INTS7: variants seen among roughly 807,000 people sequenced by gnomAD.
The protein encoded by INTS7 is integrator complex subunit 7.
INTS7 carries 46 observed loss-of-function variants against 109.2 expected under a neutral mutation model. That is an observed-to-expected ratio of 0.42 (90% confidence interval 0.33 to 0.54). The LOEUF is 0.54. INTS7 is among the 20% of genes least tolerant of loss of function. INTS7 has a pLI of 0.07. For synonymous variants in INTS7, 412 were observed against 402.9 expected (o/e 1.02, Z -0.27); for missense variants, 929 against 1,132.4 (o/e 0.82, Z 2.58).
At position 212,035,387 on chromosome 1, in the gene INTS7, T is replaced by C. The variant is rs778393408; in HGVS notation, c.51A>G (p.Glu17=). 6 of 1,613,952 alleles carry C rather than the reference T, an allele frequency of 3.7e-6. No individual in the cohort carries two copies. The South Asian group carries it at 6.6e-5, about 18-fold the overall frequency. The part of the protein sequence containing the change: ...KSFLADAGYG[E]QELDANSALM... ...GGGCAGAGTTGGCATCCAGTTCCTG[T>C]TCGCCATAGCCGGCATCTGCCAGGA... The change falls in exon 1 of 20, where the codon GAA becomes GAG. Residue 17 remains glutamate (E), a synonymous_variant. Coordinates refer to ENST00000366994, the MANE Select transcript of INTS7 (RefSeq NM_015434.4).
chr1:211,963,882 C>T (rs562307779), intron 16 of INTS7, among the ~76,000 whole-genome samples: 2 of 152,206 alleles, frequency 1.3e-5, no homozygotes, highest in Admixed American at 1.3e-4. Flanking sequence ...CCACAGCCAA[C>T]ATCATACCAA....
chr1:211,968,814 A>C, intron 13 of INTS7, 107 bp from the exon 14 acceptor site: 1 of 714,848 alleles, frequency 1.4e-6, no homozygotes, highest in South Asian at 2.7e-5. Flanking sequence ...TAGTTCTCTA[A>C]AAACACTGAC....
rs558960118 is a variant in INTS7 at position 211,981,117 on chromosome 1, A to T, written c.1206T>A (p.Ser402Arg). 7.4e-5 allele frequency: 119 copies of T among 1,612,576 alleles called. No individual in the cohort carries two copies. The highest frequency in any genetic ancestry group is 1.0e-4 in the Admixed American group (6 of 59,978). The change falls in exon 10 of 20, where the codon AGT (serine) becomes AGA (arginine). Residue 402 changes from serine to arginine, a missense_variant. Physicochemically the swap from Ser to Arg is moderately radical, Grantham distance 110 (BLOSUM62 -1). Around this residue, in one of 2 missense-constraint regions of INTS7, gnomAD observed 787 missense variants for 901.1 expected, o/e 0.87. Transcript: ENST00000366994. ...SLLVLCSQDD[S>R]PGAQATLKIA... is the part of the protein sequence containing the mutation. ...CCTTTAAAGTGGCCTGAGCACCTGG[A>T]CTATCATCTTGACTACAAAGTACCA... is the stretch of plus-strand genomic sequence containing the variant.
intron 1 of INTS7, among the ~76,000 whole-genome samples, chr1:212,032,350 C>G (rs931731603): frequency 6.6e-6 from 1 of 152,182 alleles, no homozygotes; most frequent in Non-Finnish European, 1.5e-5. Flanking sequence ...CAGACTGATA[C>G]TTTTCAAAGG....
At chr1:211,976,908 A>C (rs1185706678) in intron 11 of INTS7, among the ~76,000 whole-genome samples, 189 bp from the exon 12 acceptor site, 5 of 152,196 alleles carry the variant, frequency 3.3e-5, no homozygotes, top group Non-Finnish European at 7.3e-5. Context: ...GGCACTCTTT[A>C]TAACAGCAAA....
chr1:211,978,575 A>T (rs754527936), intron 10 of INTS7, 64 bp from the exon 11 acceptor site: 6 of 1,587,514 alleles, frequency 3.8e-6, no homozygotes, highest in Non-Finnish European at 5.2e-6. Context: ...TTTAAGGAAA[A>T]GAGCTTTGTA....
intron 1 of INTS7, among the ~76,000 whole-genome samples, chr1:212,031,197 T>C (rs1173207633): frequency 6.6e-6 from 1 of 152,216 alleles, no homozygotes; most frequent in Admixed American, 6.5e-5. Context: ...AGAAGGCAGA[T>C]AGGCTGAATA....
intron 16 of INTS7, among the ~76,000 whole-genome samples, chr1:211,954,951 G>C (rs892666941): frequency 2.6e-5 from 4 of 152,202 alleles, no homozygotes; most frequent in Non-Finnish European, 4.4e-5. Context: ...TTGGTAGCTT[G>C]ATGGGGATGG....
At chr1:211,983,589 A>G (rs1664757376) in intron 8 of INTS7, among the ~76,000 whole-genome samples, 1 of 152,182 alleles carries the variant, frequency 6.6e-6, no homozygotes, top group Non-Finnish European at 1.5e-5. Flanking sequence ...GGCTTGTTCA[A>G]CTACTTAAAA....
chr1:212,007,073 C>T (rs1281192380), intron 6 of INTS7, among the ~76,000 whole-genome samples, 177 bp downstream of exon 6: 1 of 151,818 alleles, frequency 6.6e-6, no homozygotes, highest in Admixed American at 6.6e-5. Context: ...GGGCTCCCAA[C>T]AATCAGTACT....
rs536371533 is a variant in INTS7 at position 212,002,997 on chromosome 1, T to C, written c.879+3642A>G. On this transcript the variant is annotated intron_variant, in intron 7 of 19. Transcript: ENST00000366994. ...AAAATAATTATTGAACTAAAACATA[T>C]ATAAGAAGAAATTACTGAGAACTTA... 4.0e-5 allele frequency among the ~76,000 whole-genome samples: 6 copies of C among 151,768 alleles called. No homozygotes were observed. In the South Asian group the frequency reaches 8.3e-4, roughly 21 times the overall value.
rs550875642 is a variant in INTS7 at position 212,015,031 on chromosome 1, G to A, written c.509+1855C>T. ...TGAGGAGCCCTTCCGCCTGGCAGCC[G>A]CCCCATCTGGGAGGTGAGGAGCGCC... On this transcript the variant is annotated intron_variant, in intron 4 of 19. Transcript: ENST00000366994. 7.5e-3 allele frequency among the ~76,000 whole-genome samples: 1,140 copies of A among 151,908 alleles called. 10 individuals are homozygous for A. The highest frequency in any genetic ancestry group is 0.011 in the Non-Finnish European group (717 of 67,906).
intron 10 of INTS7, among the ~76,000 whole-genome samples, chr1:211,980,322 T>G (rs1255506124): frequency 6.6e-6 from 1 of 152,220 alleles, no homozygotes; most frequent in East Asian, 1.9e-4. Flanking sequence ...CTAACGCCAA[T>G]GTTTATCTAA....
Position 211,968,644 on chromosome 1 carries a change from G to T in INTS7, c.1879C>A (p.Leu627Ile), listed in dbSNP as rs1169719815. ...ATAAGTTGAGAGAAGGCTTGTAAAA[G>T]GTCAATCCTGAGTTTTACAAATTCA... ...QCEFVKLRID[L>I]LQAFSQLICT... is the part of the protein sequence containing the mutation. The change falls in exon 14 of 20, where the codon CTT (leucine) becomes ATT (isoleucine). Residue 627 changes from leucine to isoleucine, a missense_variant. Around this residue, in one of 2 missense-constraint regions of INTS7, gnomAD observed 787 missense variants for 901.1 expected, o/e 0.87. Transcript: ENST00000366994. The T allele has an allele frequency of 6.2e-7, 1 of 1,613,202 alleles. No individual in the cohort carries two copies. Among genetic ancestry groups the T allele is most frequent in the Middle Eastern group, 1.7e-4 (1 of 6,060 alleles).
rs572314252 is a variant in INTS7, at chr1:212,016,874, T to A, written c.509+12A>T. On this transcript the variant is annotated intron_variant, in intron 4 of 19. Transcript: ENST00000366994. ...CCAAATTACTAAAAGGGATGTACTT[T>A]TGTAAGCTTACTTTGACTGTGCAGA... 2 of 1,586,294 alleles carry A rather than the reference T, an allele frequency of 1.3e-6. No homozygotes were observed. The highest frequency in any genetic ancestry group is 3.8e-5 in the Admixed American group (2 of 53,014).
intron 8 of INTS7, 34 bp downstream of exon 8, chr1:211,987,852 A>G: frequency 8.3e-7 from 1 of 1,208,702 alleles, no homozygotes; most frequent in Non-Finnish European, 1.2e-6. Context: ...GAGTTAGCAC[A>G]TTATTTATAT....
chr1:211,975,433 T>C, intron 12 of INTS7, 61 bp from the exon 13 acceptor site: 3 of 1,248,422 alleles, frequency 2.4e-6, no homozygotes, highest in Non-Finnish European at 3.5e-6. Context: ...GTTCTTACAT[T>C]TGAAAGAGTT....
intron 7 of INTS7, among the ~76,000 whole-genome samples, 155 bp downstream of exon 7, chr1:212,006,484 T>C (rs1301234575): frequency 1.3e-5 from 2 of 152,226 alleles, no homozygotes; most frequent in African/African-American, 4.8e-5. Context: ...GTGCCACTTA[T>C]AAAATAACTG....
rs551184906 is a variant in INTS7 at position 212,033,981 on chromosome 1, G to C, written c.94+1363C>G. ...GCCTGTAATTCCAGCTACTCGGGAG[G>C]CTGAGGCAGGAGAACCGTTTGAACT... On this transcript the variant is annotated intron_variant, in intron 1 of 19. Transcript: ENST00000366994. 3.9e-5 allele frequency among the ~76,000 whole-genome samples: 6 copies of C among 152,236 alleles called. No homozygotes were observed. In the South Asian group the frequency reaches 1.2e-3, roughly 32 times the overall value.
Sources: allele counts gnomAD v4.1 joint callset (sites outside exome capture counted in the v4.1 genomes callset), GRCh38; gene constraint gnomAD v4.1.1; regional missense constraint gnomAD v4.1.1; transcripts MANE v1.5; gene names NCBI Gene and HGNC (gene_info 2026-07-23, HGNC 2026-07-21).